Variants in ITFG1 observed in about 807,000 individuals in gnomAD.
ITFG1 encodes integrin alpha FG-GAP repeat containing 1.
ITFG1 carries 34 observed loss-of-function variants against 81.8 expected under a neutral mutation model. The observed-to-expected ratio is 0.42, with a 90% CI of 0.32 to 0.55. The LOEUF (loss-of-function observed/expected upper bound fraction) is 0.55, where lower values mean the gene tolerates loss of function less well. ITFG1 is among the 20% of genes least tolerant of loss of function. The probability of loss-of-function intolerance (pLI) is 0.17; values close to 1 mark genes in which losing one functional copy is unlikely to be tolerated. For synonymous variants in ITFG1, 285 were observed against 270.6 expected (o/e 1.05, Z -0.52); for missense variants, 672 against 755.4 (o/e 0.89, Z 1.29).
intron 10 of ITFG1, among the ~76,000 whole-genome samples, chr16:47,270,700 T>C (rs533048575): frequency 6.6e-6 from 1 of 152,330 alleles, no homozygotes; most frequent in East Asian, 1.9e-4. Context: ...GATGCATCCA[T>C]ACAATGGAAT....
intron 6 of ITFG1, among the ~76,000 whole-genome samples, chr16:47,421,316 T>C (rs1968946285): frequency 6.7e-6 from 1 of 150,270 alleles, no homozygotes; most frequent in Admixed American, 6.6e-5. Context: ...ATACATATTT[T>C]TTTTTTCTGA....
chr16:47,406,887 G>A (rs906440956), intron 6 of ITFG1, among the ~76,000 whole-genome samples: 18 of 152,138 alleles, frequency 1.2e-4, no homozygotes, highest in Non-Finnish European at 1.2e-4. Context: ...CTGGATATCC[G>A]CAGGAATAAT....
chr16:47,182,589 T>A (rs1436171797), intron 14 of ITFG1, among the ~76,000 whole-genome samples: 1 of 152,198 alleles, frequency 6.6e-6, no homozygotes, highest in African/African-American at 2.4e-5. Flanking sequence ...AACCTTGACC[T>A]GGAGATGCTT....
At chr16:47,412,919 G>A (rs1433384784) in intron 6 of ITFG1, among the ~76,000 whole-genome samples, 2 of 152,158 alleles carry the variant, frequency 1.3e-5, no homozygotes, top group East Asian at 3.9e-4. Context: ...GCCAGTAGGA[G>A]GCTGTAAGCA....
chr16:47,413,868 TAG>T (rs1190012254), intron 6 of ITFG1, among the ~76,000 whole-genome samples: 1 of 152,118 alleles, frequency 6.6e-6, no homozygotes, highest in East Asian at 1.9e-4. Flanking sequence ...TCCCCCAGGC[TAG>T]AGTGTGATGG....
chr16:47,461,093 C>CA, upstream of ITFG1: 1 of 1,467,446 alleles, frequency 6.8e-7, no homozygotes, highest in African/African-American at 1.4e-5. Context: ...CGCTTGACGA[C>CA]AGCCGCAAAG....
chr16:47,457,108 G>A (rs958050189), intron 2 of ITFG1, among the ~76,000 whole-genome samples: 2 of 152,054 alleles, frequency 1.3e-5, no homozygotes, highest in African/African-American at 2.4e-5. Context: ...TCGGGAGCTC[G>A]AGACCAGCCT....
At position 47,239,153 on chromosome 16, in the gene ITFG1, C is replaced by G. The variant is rs1168911213; in HGVS notation, c.1331-1145G>C. 2.0e-5 allele frequency among the ~76,000 whole-genome samples: 3 copies of G among 152,036 alleles called. No homozygotes were observed. The East Asian group carries it at 5.8e-4, about 29-fold the overall frequency. On this transcript the variant is annotated intron_variant, in intron 12 of 17. Coordinates refer to ENST00000320640, the MANE Select transcript of ITFG1 (RefSeq NM_030790.5). ...GCCTTGATCTTGGACTTCCCAGCCT[C>G]AAGAACTGCGAGCAATAAATTTCTG...
chr16:47,384,994 A>G (rs1284446216), intron 6 of ITFG1, among the ~76,000 whole-genome samples: 2 of 152,240 alleles, frequency 1.3e-5, no homozygotes, highest in African/African-American at 4.8e-5. Flanking sequence ...TGCTAGAATT[A>G]TGAATACATA....
chr16:47,284,360 G>C (rs1460494773), intron 10 of ITFG1, among the ~76,000 whole-genome samples: 1 of 152,138 alleles, frequency 6.6e-6, no homozygotes, highest in African/African-American at 2.4e-5. Flanking sequence ...TATTTCTATA[G>C]TCAAGAATAT....
intron 12 of ITFG1, chr16:47,238,259 A>G: frequency 3.5e-6 from 1 of 289,304 alleles, no homozygotes; most frequent in Admixed American, 5.3e-5. Context: ...TTATGATTAT[A>G]TCATACCATA....
At chr16:47,395,400 C>T (rs1284304882) in intron 6 of ITFG1, among the ~76,000 whole-genome samples, 1 of 152,144 alleles carries the variant, frequency 6.6e-6, no homozygotes, top group Non-Finnish European at 1.5e-5. Flanking sequence ...ATAATATATG[C>T]TGCTTAGGGA....
chr16:47,326,969 A>G (rs1286618588), intron 8 of ITFG1, among the ~76,000 whole-genome samples: 1 of 152,208 alleles, frequency 6.6e-6, no homozygotes, highest in East Asian at 1.9e-4. Context: ...AATTGGAAAA[A>G]ACTACTTTAA....
chr16:47,236,962 G>A (rs193055204), intron 13 of ITFG1, among the ~76,000 whole-genome samples: 109 of 152,248 alleles, frequency 7.2e-4, no homozygotes, highest in Non-Finnish European at 4.9e-4. Context: ...CTTTCCTGGC[G>A]GCCTGTCTGG....
rs1327430889 is a variant in ITFG1, at chr16:47,375,927, C to T, written c.669G>A (p.Thr223=). ...AGGTACTAGTGGTGGCATTCAATGT[C>T]GTCAGGAATAAATCTAGAAGGAAAA... is the stretch of plus-strand genomic sequence containing the variant. The part of the protein sequence containing the change: ...TEDFTADLFL[T]TLNATTSTFQ... The change falls in exon 7 of 18, where the codon ACG becomes ACA. Residue 223 remains threonine (T), a synonymous_variant. Transcript: ENST00000320640. 16 of 1,601,664 alleles carry T rather than the reference C, an allele frequency of 1.0e-5. No homozygotes were observed. The highest frequency in any genetic ancestry group is 2.2e-5 in the East Asian group (1 of 44,692).
chr16:47,332,219 TAAAAA>T (rs1468487119), intron 8 of ITFG1, among the ~76,000 whole-genome samples: 1 of 150,400 alleles, frequency 6.6e-6, no homozygotes, highest in East Asian at 1.9e-4. Flanking sequence ...TAAAATAAAA[TAAAAA>T]AAGAAGGGTA....
At chr16:47,450,089 C>T (rs990141342) in intron 5 of ITFG1, 4 of 152,940 alleles carry the variant, frequency 2.6e-5, no homozygotes, top group African/African-American at 9.7e-5. Context: ...TCTGAGCAGT[C>T]CCCATTTGCT....
chr16:47,442,286 C>A (rs1216196524), intron 5 of ITFG1, among the ~76,000 whole-genome samples: 1 of 152,164 alleles, frequency 6.6e-6, no homozygotes, highest in African/African-American at 2.4e-5. Context: ...ATGCCATCCC[C>A]ATCAAACTAC....
At chr16:47,234,295 G>C (rs12927328) in intron 13 of ITFG1, among the ~76,000 whole-genome samples, 9,341 of 152,184 alleles carry the variant, frequency 0.061, 400 homozygotes, top group Non-Finnish European at 0.095. Flanking sequence ...AATGTAAGCA[G>C]AGAGATAGAA....
Sources: gnomAD v4.1 joint callset for allele counts (sites outside exome capture counted in the v4.1 genomes callset) on GRCh38, gnomAD v4.1.1 for gene constraint, MANE v1.5 for transcripts, NCBI Gene and HGNC (gene_info 2026-07-23, HGNC 2026-07-21) for gene names.